NHLRC2: variants seen among roughly 807,000 people sequenced by gnomAD.
NHLRC2 encodes the protein NHL repeat containing 2, also known as NHL repeat-containing protein 2.
NHLRC2 carries 33 observed loss-of-function variants against 68.1 expected under a neutral mutation model. The observed-to-expected ratio is 0.48, with a 90% CI of 0.37 to 0.65. The LOEUF is 0.65. NHLRC2 is among the 30% of genes least tolerant of loss of function. The probability of loss-of-function intolerance (pLI) is 0.00; values close to 1 mark genes in which losing one functional copy is unlikely to be tolerated. For synonymous variants in NHLRC2, 311 were observed against 309.6 expected, an observed-to-expected ratio of 1.00 and a Z score of -0.05; for missense variants, 761 against 853.8, an observed-to-expected ratio of 0.89 and a Z score of 1.35.
Position 113,854,851 on chromosome 10 carries a change from G to A in NHLRC2, c.-22G>A, listed in dbSNP as rs767230220. 1 of 1,531,698 alleles carries A rather than the reference G, an allele frequency of 6.5e-7. No individual in the cohort carries two copies. The highest frequency in any genetic ancestry group is 2.5e-5 in the East Asian group (1 of 40,670). 94.9% of individuals were successfully genotyped at this position (1,531,698 alleles called of 1,614,324 possible). On this transcript the variant is annotated 5_prime_UTR_variant, in exon 1 of 11. Transcript: ENST00000369301. ...AGACTCTCCCGCGGGCCCGGCGGCC[G>A]CATCGGGAGCCCGGCGGAAACATGG...
At chr10:113,895,947 T>G (rs1221374875) in intron 5 of NHLRC2, among the ~76,000 whole-genome samples, 1 of 152,130 alleles carries the variant, frequency 6.6e-6, no homozygotes, top group Non-Finnish European at 1.5e-5. Flanking sequence ...TTTAAAAATA[T>G]TTGAACCTCC....
rs1418372199 is a variant in NHLRC2, at chr10:113,876,657, A to G, written c.468A>G (p.Glu156=). Reference sequence around the variant, plus strand: ...ATGCAGATGCCAGCCTTTGGCAAGAACTAGAAGTTTCCTGCTGGCCAACTC... The same window carrying G: ...ATGCAGATGCCAGCCTTTGGCAAGAGCTAGAAGTTTCCTGCTGGCCAACTC... ...VNDADASLWQ[E]LEVSCWPTLV... is the part of the protein sequence containing the mutation. The change falls in exon 3 of 11, where the codon GAA becomes GAG. Residue 156 remains glutamate (E), a synonymous_variant. Coordinates refer to ENST00000369301, the MANE Select transcript of NHLRC2 (RefSeq NM_198514.4). The G allele has an allele frequency of 1.9e-6, 3 of 1,613,890 alleles. No homozygotes were observed. Among genetic ancestry groups the G allele is most frequent in the Admixed American group, 3.3e-5 (2 of 59,972 alleles).
chr10:113,881,139 C>T (rs1846033125), intron 4 of NHLRC2, among the ~76,000 whole-genome samples: 1 of 151,746 alleles, frequency 6.6e-6, no homozygotes, highest in Non-Finnish European at 1.5e-5. Flanking sequence ...TTGTATGTGT[C>T]TATAATTCGT....
At chr10:113,881,614 A>G (rs145260839) in intron 4 of NHLRC2, among the ~76,000 whole-genome samples, 29 of 151,830 alleles carry the variant, frequency 1.9e-4, no homozygotes, top group African/African-American at 7.0e-4. Context: ...TAGCATACCT[A>G]TAAGCAGCCA....
intron 4 of NHLRC2, among the ~76,000 whole-genome samples, chr10:113,880,597 T>C (rs116176704): frequency 0.013 from 2,001 of 151,982 alleles, 42 homozygotes; most frequent in African/African-American, 0.044. Flanking sequence ...TGACATTTAT[T>C]CTCATTTATT....
intron 5 of NHLRC2, among the ~76,000 whole-genome samples, chr10:113,888,198 G>A (rs1485308316): frequency 6.6e-6 from 1 of 152,168 alleles, no homozygotes; most frequent in East Asian, 1.9e-4. Context: ...TTGATCAAAG[G>A]GTACAAAGTT....
At chr10:113,860,830 A>G (rs1845809324) in intron 2 of NHLRC2, among the ~76,000 whole-genome samples, 1 of 152,206 alleles carries the variant, frequency 6.6e-6, no homozygotes, top group South Asian at 2.1e-4. Flanking sequence ...TGATAAACCC[A>G]TGGTAAGTTG....
intron 1 of NHLRC2, among the ~76,000 whole-genome samples, chr10:113,855,443 C>G (rs1196909620): frequency 1.3e-5 from 2 of 152,098 alleles, no homozygotes; most frequent in Non-Finnish European, 2.9e-5. Flanking sequence ...TTATTGATCA[C>G]TTTTTCATGT....
At chr10:113,869,631 T>A (rs1376219926) in intron 2 of NHLRC2, among the ~76,000 whole-genome samples, 1 of 152,164 alleles carries the variant, frequency 6.6e-6, no homozygotes, top group African/African-American at 2.4e-5. Context: ...CACCTCATCA[T>A]TCACATCTCA....
intron 10 of NHLRC2, 42 bp from the exon 11 acceptor site, chr10:113,908,238 C>G: frequency 6.7e-7 from 1 of 1,494,790 alleles, no homozygotes; most frequent in Non-Finnish European, 9.3e-7. Context: ...CAGTTTTCTA[C>G]TTATCTTATA....
intron 2 of NHLRC2, among the ~76,000 whole-genome samples, chr10:113,872,146 A>T (rs1845931367): frequency 6.6e-6 from 1 of 152,172 alleles, no homozygotes; most frequent in African/African-American, 2.4e-5. Flanking sequence ...TTGAAGCCTC[A>T]GAGAAGCATT....
rs1846376764 is a variant in NHLRC2 at position 113,915,661 on chromosome 10, G to A, written c.*7125G>A. Reference sequence around the variant, plus strand: ...CCATTTTTTTGTTTTTAAGAGATAGGGTCTTGCTGTGTTGCCCAGGCTAGA... The same window carrying A: ...CCATTTTTTTGTTTTTAAGAGATAGAGTCTTGCTGTGTTGCCCAGGCTAGA... On this transcript the variant is annotated 3_prime_UTR_variant, in exon 11 of 11. Transcript: ENST00000369301. 1 of 225,808 alleles carries A rather than the reference G, an allele frequency of 4.4e-6. No homozygotes were observed. The highest frequency in any genetic ancestry group is 1.3e-4 in the East Asian group (1 of 7,446). The allele number at this position is 225,808 out of a possible 1,614,324, so 14.0% of individuals were successfully genotyped here.
chr10:113,906,870 C>A (rs1846280374), intron 10 of NHLRC2, among the ~76,000 whole-genome samples: 2 of 152,176 alleles, frequency 1.3e-5, no homozygotes, highest in South Asian at 4.1e-4. Context: ...GTAGTCCCAG[C>A]TACTCAGGAG....
At chr10:113,904,530 T>C (rs904952440) in intron 9 of NHLRC2, among the ~76,000 whole-genome samples, 1 of 152,204 alleles carries the variant, frequency 6.6e-6, no homozygotes, top group South Asian at 2.1e-4. Flanking sequence ...CATGTTTAAA[T>C]TTATAAACTT....
At chr10:113,884,974 T>A (rs1484271806) in intron 5 of NHLRC2, among the ~76,000 whole-genome samples, 1 of 151,834 alleles carries the variant, frequency 6.6e-6, no homozygotes, top group Non-Finnish European at 1.5e-5. Context: ...AGTACTCTTA[T>A]TAGTATTTTT....
intron 2 of NHLRC2, among the ~76,000 whole-genome samples, chr10:113,874,186 G>C (rs1158680481): frequency 6.6e-6 from 1 of 152,040 alleles, no homozygotes; most frequent in Non-Finnish European, 1.5e-5. Flanking sequence ...AGCAAAATTT[G>C]TTGAAATTTT....
At chr10:113,863,994 T>C (rs1371959778) in intron 2 of NHLRC2, among the ~76,000 whole-genome samples, 3 of 152,202 alleles carry the variant, frequency 2.0e-5, no homozygotes, top group South Asian at 2.1e-4. Flanking sequence ...TAAGTGTCCA[T>C]TGATGGATCG....
chr10:113,885,377 G>A (rs745709188), intron 5 of NHLRC2, among the ~76,000 whole-genome samples: 6 of 152,000 alleles, frequency 3.9e-5, no homozygotes, highest in East Asian at 1.9e-4. Flanking sequence ...ATAGCTCACC[G>A]AAGGGGATAG....
At position 113,858,699 on chromosome 10, in the gene NHLRC2, G is replaced by A; in HGVS notation, c.331+19G>A. ...GATAAAGGTATCTGCTCTTTAATTA[G>A]TTTCTAACAGACTGTCCTGGCATAG... On this transcript the variant is annotated intron_variant, in intron 2 of 10. Coordinates refer to ENST00000369301, the MANE Select transcript of NHLRC2 (RefSeq NM_198514.4). 6.3e-7 allele frequency: 1 copy of A among 1,588,108 alleles called. No individual in the cohort carries two copies. The highest frequency in any genetic ancestry group is 8.6e-7 in the Non-Finnish European group (1 of 1,157,882).
Sources: allele counts gnomAD v4.1 joint callset (sites outside exome capture counted in the v4.1 genomes callset), GRCh38; gene constraint gnomAD v4.1.1; transcripts MANE v1.5; gene names NCBI Gene and HGNC (gene_info 2026-07-23, HGNC 2026-07-21).